The following SPATA31G1 variants were observed in gnomAD, a reference collection of about 807,000 sequenced individuals.
SPATA31G1 encodes SPATA31 subfamily G member 1, also known as spermatogenesis-associated protein 31G1.
the SPATA31G1 span, chr9:35,043,542 C>T: frequency 1.2e-6 from 2 of 1,614,008 alleles, no homozygotes; most frequent in Admixed American, 1.7e-5. Flanking sequence ...CGCTGAGGCA[C>T]CCACACAGTC....
chr9:35,044,549 C>T, the SPATA31G1 span: 19 of 1,613,988 alleles, frequency 1.2e-5, no homozygotes, highest in Non-Finnish European at 1.6e-5. Flanking sequence ...TTCCTGTGTT[C>T]CCAGGTAGGG....
At chr9:35,042,121 CT>C in the SPATA31G1 span, 1 of 1,382,550 alleles carries the variant, frequency 7.2e-7, no homozygotes, top group Non-Finnish European at 9.6e-7. Flanking sequence ...CATGAATTGC[CT>C]GATAGAGGAA....
the SPATA31G1 span, chr9:35,044,242 C>T: frequency 1.2e-6 from 2 of 1,614,176 alleles, no homozygotes; most frequent in Non-Finnish European, 1.7e-6. Context: ...TGCCTCGCTA[C>T]ATCAGAAGCT....
the SPATA31G1 span, chr9:35,045,027 T>TC: frequency 6.2e-7 from 1 of 1,614,176 alleles, no homozygotes; most frequent in Middle Eastern, 1.6e-4. Flanking sequence ...GAGCCCTGCC[T>TC]CCAGAGCCCC....
the SPATA31G1 span, chr9:35,042,332 A>G: frequency 1.9e-6 from 3 of 1,614,262 alleles, no homozygotes; most frequent in South Asian, 3.3e-5. Context: ...CCCATGCCCT[A>G]GCCTGCAGAC....
the SPATA31G1 span, chr9:35,041,388 T>G: frequency 4.8e-6 from 1 of 208,556 alleles, no homozygotes; most frequent in Non-Finnish European, 9.8e-6. Flanking sequence ...GAGGAAAGTC[T>G]TTGAAGAGGA....
At chr9:35,042,420 T>C in the SPATA31G1 span, 11 of 1,614,092 alleles carry the variant, frequency 6.8e-6, no homozygotes, top group South Asian at 1.2e-4. Context: ...GATTCAGAGA[T>C]GGTGGCAGCT....
the SPATA31G1 span, chr9:35,044,110 C>T: frequency 6.2e-7 from 1 of 1,614,150 alleles, no homozygotes; most frequent in Middle Eastern, 1.7e-4. Flanking sequence ...CTGTCTGAAT[C>T]CAAAGCTTTG....
the SPATA31G1 span, chr9:35,045,235 C>T: frequency 5.9e-5 from 95 of 1,614,032 alleles, no homozygotes; most frequent in Non-Finnish European, 7.6e-5. Flanking sequence ...TTCCAATCCT[C>T]TTCCCAGCTT....
chr9:35,044,500 A>G, the SPATA31G1 span: 1 of 1,613,914 alleles, frequency 6.2e-7, no homozygotes, highest in Non-Finnish European at 8.5e-7. Flanking sequence ...TCTGATTCTC[A>G]GTCTATTGTA....
the SPATA31G1 span, chr9:35,043,861 A>G: frequency 6.2e-7 from 1 of 1,614,164 alleles, no homozygotes; most frequent in Admixed American, 1.7e-5. Flanking sequence ...TCCAGATATA[A>G]GCCCCAGTGG....
At chr9:35,042,328 C>G in the SPATA31G1 span, 1 of 1,614,220 alleles carries the variant, frequency 6.2e-7, no homozygotes, top group South Asian at 1.1e-5. Flanking sequence ...CTGACCCATG[C>G]CCTAGCCTGC....
the SPATA31G1 span, chr9:35,045,959 T>C: frequency 7.0e-7 from 1 of 1,438,700 alleles, no homozygotes; most frequent in Non-Finnish European, 9.3e-7. Context: ...GAAATGGAAA[T>C]TCTAATAAAC....
chr9:35,043,854 A>G, the SPATA31G1 span: 1 of 1,614,148 alleles, frequency 6.2e-7, no homozygotes, highest in Non-Finnish European at 8.5e-7. Context: ...AGATCCATCC[A>G]GATATAAGCC....
chr9:35,043,047 T>A, the SPATA31G1 span: 11 of 1,614,066 alleles, frequency 6.8e-6, no homozygotes, highest in South Asian at 9.9e-5. Flanking sequence ...ACCCCAGCCA[T>A]CCTGTGGTTC....
the SPATA31G1 span, chr9:35,044,894 A>C: frequency 3.1e-6 from 5 of 1,614,110 alleles, 1 homozygote; most frequent in South Asian, 3.3e-5. Flanking sequence ...TAACGTGCCC[A>C]GGGGTTAAGG....
chr9:35,045,345 C>A, the SPATA31G1 span: 2 of 1,614,100 alleles, frequency 1.2e-6, no homozygotes, highest in Non-Finnish European at 1.7e-6. Context: ...GCCATGTGTA[C>A]ACATGGAGGC....
At chr9:35,042,383 G>A in the SPATA31G1 span, 2 of 1,614,232 alleles carry the variant, frequency 1.2e-6, no homozygotes, top group Non-Finnish European at 1.7e-6. Context: ...GAAATCTGGT[G>A]ACACTATTCT....
At chr9:35,042,189 G>A in the SPATA31G1 span, 1 of 1,562,750 alleles carries the variant, frequency 6.4e-7, no homozygotes, top group Non-Finnish European at 8.7e-7. Context: ...CTCTGTGGGG[G>A]ATGGGAGTTC....
Sources: allele counts gnomAD v4.1 joint callset, GRCh38; gene constraint gnomAD v4.1.1; transcripts MANE v1.5; gene names NCBI Gene and HGNC (gene_info 2026-07-23, HGNC 2026-07-21).